The following ANO3 variants were observed in gnomAD, a reference collection of about 807,000 sequenced individuals.
The protein encoded by ANO3 is anoctamin-3.
Under a neutral mutation model 144.8 loss-of-function variants are expected in ANO3, and 99 were observed. The observed-to-expected ratio is 0.68, with a 90% CI of 0.58 to 0.81. The LOEUF (loss-of-function observed/expected upper bound fraction) is 0.81, where lower values mean the gene tolerates loss of function less well. Ranked by LOEUF, ANO3 falls within the 30% of genes least tolerant of loss-of-function variation. ANO3 has a pLI of 0.00. For missense variants in ANO3, 905 were observed against 1,202.2 expected (o/e 0.75, Z 3.66); for synonymous variants, 414 against 392.6 (o/e 1.05, Z -0.64).
At chr11:26,502,104 A>G (rs117107228) in intron 4 of ANO3, among the ~76,000 whole-genome samples, 11,370 of 152,276 alleles carry the variant, frequency 0.075, 601 homozygotes, top group Admixed American at 0.13. Flanking sequence ...CATTTGCATT[A>G]CTTATCTGTT....
chr11:26,596,827 A>G (rs546031748), intron 14 of ANO3, among the ~76,000 whole-genome samples: 4 of 152,258 alleles, frequency 2.6e-5, no homozygotes, highest in East Asian at 1.9e-4. Context: ...TGGCTGTGCA[A>G]TGATCTCCAC....
At chr11:26,453,158 G>C (rs1009944658) in intron 3 of ANO3, among the ~76,000 whole-genome samples, 1 of 152,176 alleles carries the variant, frequency 6.6e-6, no homozygotes, top group Non-Finnish European at 1.5e-5. Flanking sequence ...AGACTAGGAA[G>C]ACACTGCATC....
intron 1 of ANO3, among the ~76,000 whole-genome samples, chr11:26,212,339 G>T (rs955312188): frequency 6.6e-6 from 1 of 151,286 alleles, no homozygotes; most frequent in East Asian, 1.9e-4. Context: ...AAAAATCAAC[G>T]AATCCAGGAG....
intron 14 of ANO3, among the ~76,000 whole-genome samples, chr11:26,575,322 T>A (rs140691738): frequency 2.9e-4 from 44 of 151,982 alleles, no homozygotes; most frequent in African/African-American, 1.0e-3. Flanking sequence ...AAGAGCCTAA[T>A]GGTCACAAGA....
chr11:26,332,735 C>T (rs1016746733), intron 1 of ANO3, among the ~76,000 whole-genome samples: 3 of 152,032 alleles, frequency 2.0e-5, no homozygotes, highest in South Asian at 2.1e-4. Flanking sequence ...CTCCTTGAGA[C>T]GCATTTACAC....
chr11:26,612,581 T>C (rs115942126), intron 17 of ANO3, among the ~76,000 whole-genome samples: 1,534 of 151,832 alleles, frequency 0.01, 40 homozygotes, highest in African/African-American at 0.035. Flanking sequence ...TATGAATTTG[T>C]CTACTGGTAA....
intron 1 of ANO3, among the ~76,000 whole-genome samples, chr11:26,356,810 G>T (rs1004414915): frequency 6.6e-6 from 1 of 152,186 alleles, no homozygotes; most frequent in African/African-American, 2.4e-5. Flanking sequence ...TCTAGTGGCT[G>T]CCTGTATTTT....
chr11:26,607,297 C>G (rs1230553693), intron 17 of ANO3, among the ~76,000 whole-genome samples: 2 of 152,058 alleles, frequency 1.3e-5, no homozygotes, highest in East Asian at 3.9e-4. Context: ...AACTATGTGT[C>G]TTCGGGTTAA....
chr11:26,651,604 T>G (rs939508051), intron 24 of ANO3, among the ~76,000 whole-genome samples: 10 of 152,160 alleles, frequency 6.6e-5, no homozygotes, highest in Non-Finnish European at 7.4e-5. Context: ...TTTATATTAA[T>G]TTACCTTAAT....
At chr11:26,478,347 C>A (rs1238043787) in intron 4 of ANO3, among the ~76,000 whole-genome samples, 1 of 152,098 alleles carries the variant, frequency 6.6e-6, no homozygotes, top group African/African-American at 2.4e-5. Context: ...CCTAGAATAG[C>A]CTTTGTTTTC....
chr11:26,537,384 T>C, intron 9 of ANO3, 22 bp from the exon 10 acceptor site: 1 of 1,590,242 alleles, frequency 6.3e-7, no homozygotes, highest in Non-Finnish European at 8.6e-7. Flanking sequence ...ACTCAATAAC[T>C]GTCCTTTTCT....
chr11:26,480,441 T>C (rs1476581029), intron 4 of ANO3, among the ~76,000 whole-genome samples: 2 of 152,284 alleles, frequency 1.3e-5, no homozygotes, highest in African/African-American at 4.8e-5. Flanking sequence ...TGAAACAACA[T>C]GTTCGGCTGT....
chr11:26,236,490 C>T (rs557985167), intron 1 of ANO3, among the ~76,000 whole-genome samples: 94 of 152,078 alleles, frequency 6.2e-4, no homozygotes, highest in African/African-American at 2.1e-3. Flanking sequence ...TCCTCATATC[C>T]TGTGAGATTT....
chr11:26,602,708 C>T (rs1851834896), intron 17 of ANO3, among the ~76,000 whole-genome samples: 1 of 150,932 alleles, frequency 6.6e-6, no homozygotes. Flanking sequence ...CTGTGATCAC[C>T]CCACTGTACT....
chr11:26,443,915 T>A (rs1456193935), intron 3 of ANO3, 79 bp downstream of exon 3: 4 of 729,702 alleles, frequency 5.5e-6, no homozygotes, highest in Non-Finnish European at 6.4e-6. Flanking sequence ...AAAACTAGCA[T>A]TTTTTTTTTA....
Position 26,431,089 on chromosome 11 carries a change from G to C in ANO3, c.47-10829G>C, listed in dbSNP as rs138829372. ...ACATATGGCTATTGAATGAGCACTT[G>C]AAATGTGGCTACGATGACTGAGGAA... On this transcript the variant is annotated intron_variant, in intron 1 of 26. Coordinates refer to ENST00000256737, the MANE Select transcript of ANO3 (RefSeq NM_031418.4). 1.3e-3 allele frequency among the ~76,000 whole-genome samples: 195 copies of C among 152,316 alleles called. 2 individuals carry two copies. The highest frequency in any genetic ancestry group is 4.0e-3 in the African/African-American group (165 of 41,572).
intron 1 of ANO3, among the ~76,000 whole-genome samples, chr11:26,316,948 A>G (rs1010461352): frequency 6.6e-6 from 1 of 152,128 alleles, no homozygotes; most frequent in African/African-American, 2.4e-5. Context: ...GGAGCATTTC[A>G]TCTTTTATTC....
At chr11:26,417,941 A>G (rs1197884259) in intron 1 of ANO3, among the ~76,000 whole-genome samples, 1 of 152,118 alleles carries the variant, frequency 6.6e-6, no homozygotes, top group African/African-American at 2.4e-5. Context: ...CAAAGTAACA[A>G]CTACAATTTT....
chr11:26,428,610 G>A (rs1590350669), intron 1 of ANO3, among the ~76,000 whole-genome samples: 2 of 152,124 alleles, frequency 1.3e-5, no homozygotes, highest in East Asian at 3.9e-4. Context: ...AGAACTCAGA[G>A]GATATTGCAA....
Sources: gnomAD v4.1 joint callset for allele counts (sites outside exome capture counted in the v4.1 genomes callset) on GRCh38, gnomAD v4.1.1 for gene constraint, MANE v1.5 for transcripts, NCBI Gene and HGNC (gene_info 2026-07-23, HGNC 2026-07-21) for gene names.